The following PAPSS1 variants were observed in gnomAD, a reference collection of about 807,000 sequenced individuals.
PAPSS1 encodes the protein 3'-phosphoadenosine 5'-phosphosulfate synthase 1.
In PAPSS1, 50 loss-of-function variants were observed where a neutral mutation model predicts 72.0. The ratio of observed to expected loss-of-function variants is 0.69; its 90% CI spans 0.55 to 0.88. PAPSS1 has a LOEUF of 0.88. Among genes scored for constraint, PAPSS1 ranks in the 40% least tolerant of loss-of-function variants. The probability of loss-of-function intolerance (pLI) is 0.00; values close to 1 mark genes in which losing one functional copy is unlikely to be tolerated. For synonymous variants in PAPSS1, 261 were observed against 263.6 expected, an observed-to-expected ratio of 0.99 and a Z score of 0.09; for missense variants, 657 against 782.2, an observed-to-expected ratio of 0.84 and a Z score of 1.91.
chr4:107,656,830 CA>C (rs1284317293), intron 7 of PAPSS1, 65 bp downstream of exon 7: 5 of 1,141,516 alleles, frequency 4.4e-6, no homozygotes, highest in Non-Finnish European at 6.6e-6. Context: ...TAAACAGTGA[CA>C]AATCTCTGCA....
chr4:107,658,161 C>G (rs1052970529), intron 6 of PAPSS1, among the ~76,000 whole-genome samples: 4 of 151,406 alleles, frequency 2.6e-5, no homozygotes, highest in Admixed American at 1.3e-4. Context: ...GCTGAGGTCA[C>G]TTGATACACA....
intron 5 of PAPSS1, among the ~76,000 whole-genome samples, chr4:107,665,476 T>C (rs978819742): frequency 1.3e-5 from 2 of 152,160 alleles, no homozygotes; most frequent in African/African-American, 2.4e-5. Flanking sequence ...AACCCTTTGC[T>C]TCATGAAATG....
chr4:107,648,601 G>A (rs899945205), intron 9 of PAPSS1, among the ~76,000 whole-genome samples: 1 of 152,130 alleles, frequency 6.6e-6, no homozygotes, highest in Admixed American at 6.5e-5. Context: ...GTAAGACTGC[G>A]CTACATAGAG....
intron 5 of PAPSS1, among the ~76,000 whole-genome samples, chr4:107,662,430 G>T (rs1269303706): frequency 6.6e-6 from 1 of 152,146 alleles, no homozygotes; most frequent in East Asian, 1.9e-4. Flanking sequence ...AAGGAAGAAA[G>T]CTCCACCAGC....
intron 11 of PAPSS1, among the ~76,000 whole-genome samples, chr4:107,628,234 T>C (rs1726147810): frequency 6.6e-6 from 1 of 152,210 alleles, no homozygotes; most frequent in Admixed American, 6.5e-5. Flanking sequence ...TCCAGAATTA[T>C]TTCTGTCATT....
intron 1 of PAPSS1, among the ~76,000 whole-genome samples, chr4:107,714,697 C>T (rs539822697): frequency 9.7e-4 from 148 of 151,866 alleles, no homozygotes; most frequent in African/African-American, 3.3e-3. Context: ...AAGAATTATC[C>T]CCCTCCATAC....
At chr4:107,646,582 T>C (rs1309091024) in intron 9 of PAPSS1, among the ~76,000 whole-genome samples, 4 of 151,992 alleles carry the variant, frequency 2.6e-5, no homozygotes, top group Non-Finnish European at 5.9e-5. Context: ...AGAAGGGAAG[T>C]GCTCAAAGAA....
chr4:107,696,621 T>C (rs544039428), intron 2 of PAPSS1, among the ~76,000 whole-genome samples: 1 of 151,744 alleles, frequency 6.6e-6, no homozygotes, highest in Non-Finnish European at 1.5e-5. Context: ...TCAGGATAAA[T>C]AGCTAATGCA....
chr4:107,698,547 C>T (rs1020463420), intron 2 of PAPSS1, among the ~76,000 whole-genome samples: 4 of 152,120 alleles, frequency 2.6e-5, no homozygotes, highest in Non-Finnish European at 4.4e-5. Flanking sequence ...GGGGGCAAAC[C>T]ACTGCCTCCA....
At chr4:107,713,614 T>C (rs1312400105) in intron 1 of PAPSS1, among the ~76,000 whole-genome samples, 2 of 151,818 alleles carry the variant, frequency 1.3e-5, no homozygotes, top group Non-Finnish European at 1.5e-5. Flanking sequence ...AAAAATTAGC[T>C]GGGCATGTTG....
At chr4:107,646,381 T>G (rs1726696602) in intron 9 of PAPSS1, among the ~76,000 whole-genome samples, 1 of 151,580 alleles carries the variant, frequency 6.6e-6, no homozygotes, top group African/African-American at 2.4e-5. Context: ...TGTCCACTTT[T>G]TTTTTTTTTG....
chr4:107,614,405 A>G lies in PAPSS1; in HGVS notation c.1737-18T>C. On this transcript the variant is annotated intron_variant, in intron 11 of 11. Transcript: ENST00000265174. Reference sequence around the variant, plus strand: ...CTTCATGGCTAAAGGAGAGGAAAAAAAGAAAATTATTTCATAATTTTAGAA... The same window carrying G: ...CTTCATGGCTAAAGGAGAGGAAAAAGAGAAAATTATTTCATAATTTTAGAA... 6.3e-7 allele frequency: 1 copy of G among 1,588,108 alleles called. No individual in the cohort carries two copies. Among genetic ancestry groups the G allele is most frequent in the Non-Finnish European group, 8.6e-7 (1 of 1,164,698 alleles).
At chr4:107,676,064 C>G (rs898338905) in intron 5 of PAPSS1, among the ~76,000 whole-genome samples, 1 of 152,136 alleles carries the variant, frequency 6.6e-6, no homozygotes. Context: ...ATGACAAACC[C>G]ACAGCCAATA....
At chr4:107,695,417 A>G (rs533302974) in intron 2 of PAPSS1, among the ~76,000 whole-genome samples, 6 of 152,296 alleles carry the variant, frequency 3.9e-5, no homozygotes, top group Admixed American at 3.9e-4. Flanking sequence ...TTCTAAACAT[A>G]GAATCATGTT....
In PAPSS1 at chr4:107,644,794, C is replaced by A. The variant is rs1726648328; in HGVS notation, c.1506+8G>T. 1.3e-6 allele frequency: 2 copies of A among 1,597,384 alleles called. No homozygotes were observed. The highest frequency in any genetic ancestry group is 3.4e-5 in the Admixed American group (2 of 58,580). On this transcript the variant is annotated splice_region_variant and intron_variant, in intron 10 of 11. Coordinates refer to ENST00000265174, the MANE Select transcript of PAPSS1 (RefSeq NM_005443.5). ...ACTGCTGCAGTGAAAATCTTACAAG[C>A]AGTCTACCTCAGTTGGTCCAGCATA...
chr4:107,650,844 A>G (rs961256317), intron 9 of PAPSS1, among the ~76,000 whole-genome samples: 1 of 152,160 alleles, frequency 6.6e-6, no homozygotes. Flanking sequence ...CAGGAAGAGA[A>G]GGGTGAAAAA....
chr4:107,622,389 C>G (rs1460392239), intron 11 of PAPSS1, among the ~76,000 whole-genome samples: 1 of 152,044 alleles, frequency 6.6e-6, no homozygotes, highest in Non-Finnish European at 1.5e-5. Flanking sequence ...GGTTTTATAC[C>G]AAAAATACCA....
At chr4:107,712,912 AT>A (rs1723532965) in intron 1 of PAPSS1, among the ~76,000 whole-genome samples, 1 of 151,852 alleles carries the variant, frequency 6.6e-6, no homozygotes, top group South Asian at 2.1e-4. Flanking sequence ...TATCCATACA[AT>A]GGGATTTTTT....
At position 107,693,926 on chromosome 4, in the gene PAPSS1, G is replaced by C. The variant is rs374659184; in HGVS notation, c.256C>G (p.Leu86Val). ...CCTTGACGAATATTGTCACCATCCA[G>C]AGTGTAGCATGGAATACCATGACAA... ...LVCHGIPCYT[L>V]DGDNIRQGLN... The change falls in exon 3 of 12, where the codon CTG becomes GTG. Residue 86 changes from leucine to valine, a missense_variant. Transcript: ENST00000265174. 3 of 1,613,654 alleles carry C rather than the reference G, an allele frequency of 1.9e-6. No homozygotes were observed. Among genetic ancestry groups the C allele is most frequent in the African/African-American group, 1.3e-5 (1 of 74,900 alleles).
Sources: gnomAD v4.1 joint callset for allele counts (sites outside exome capture counted in the v4.1 genomes callset) on GRCh38, gnomAD v4.1.1 for gene constraint, MANE v1.5 for transcripts, NCBI Gene and HGNC (gene_info 2026-07-23, HGNC 2026-07-21) for gene names.